The following FUCA2 variants were observed in gnomAD, a reference collection of about 807,000 sequenced individuals.
FUCA2 encodes alpha-L-fucosidase 2.
FUCA2 carries 41 observed loss-of-function variants against 52.6 expected under a neutral mutation model. The observed-to-expected ratio is 0.78, with a 90% CI of 0.61 to 1.01. The LOEUF is 1.01. Among genes scored for constraint, FUCA2 ranks in the 50% least tolerant of loss-of-function variants. The probability of loss-of-function intolerance (pLI) is 0.00; values close to 1 mark genes in which losing one functional copy is unlikely to be tolerated. For synonymous variants in FUCA2, 211 were observed against 217.3 expected (o/e 0.97, Z 0.26); for missense variants, 507 against 569.5 (o/e 0.89, Z 1.12).
In FUCA2 at chr6:143,505,915, T is replaced by C. The variant is rs916305533; in HGVS notation, c.412+1322A>G. 3.9e-5 allele frequency: 6 copies of C among 152,282 alleles called. No individual in the cohort carries two copies. In the Middle Eastern group the frequency reaches 0.01, roughly 259 times the overall value. The allele number at this position is 152,282 out of a possible 1,614,324, so 9.4% of individuals were successfully genotyped here. On this transcript the variant is annotated intron_variant, in intron 2 of 6. Transcript: ENST00000002165. ...GGGCTACATCATCTCTCCTCACAGT[T>C]TGATTAACAATTTTTATTAAATAAA...
chr6:143,498,321 T>A (rs952630677), intron 5 of FUCA2, among the ~76,000 whole-genome samples: 16 of 152,206 alleles, frequency 1.1e-4, no homozygotes, highest in African/African-American at 3.6e-4. Flanking sequence ...TGGAAGAAAT[T>A]AGAATCAACA....
rs1780445323 is a variant in FUCA2, at chr6:143,495,526, GT to G, written c.*180del. On this transcript the variant is annotated 3_prime_UTR_variant, in exon 7 of 7. Coordinates refer to ENST00000002165, the MANE Select transcript of FUCA2 (RefSeq NM_032020.5). The surrounding 1 kb of genome is among the most constrained non-coding windows in gnomAD (Gnocchi z 5.2). ...CTTTAATGGCAAAGTGCACTGGAGA[GT>G]TAAAATGGTTACATGGGTAATTTAA... The G allele has an allele frequency of 5.5e-6, 3 of 544,824 alleles. 1 individual carries two copies. In the South Asian group the frequency reaches 1.1e-4, roughly 20 times the overall value. 33.7% of individuals were successfully genotyped at this position (544,824 alleles called of 1,614,324 possible).
rs116759435 is a variant in FUCA2 at position 143,503,451 on chromosome 6, G to A, written c.752+462C>T. 442 of 157,348 alleles carry A rather than the reference G, an allele frequency of 2.8e-3. 2 individuals carry two copies. The highest frequency in any genetic ancestry group is 0.01 in the African/African-American group (422 of 41,606). 9.7% of individuals were successfully genotyped at this position (157,348 alleles called of 1,614,324 possible). On this transcript the variant is annotated intron_variant, in intron 3 of 6. Coordinates refer to ENST00000002165, the MANE Select transcript of FUCA2 (RefSeq NM_032020.5). This position sits in a 1 kb window ranked among gnomAD's most constrained non-coding sequence, Gnocchi z 4.8. ...AAAAACTGGAGAAAGTGAAAAGGCT[G>A]CGATGAAGGAAAAGAGGAGACAAAC...
At position 143,503,640 on chromosome 6, in the gene FUCA2, C is replaced by T. The variant is rs182099986; in HGVS notation, c.752+273G>A. The T allele has an allele frequency of 1.7e-4, 56 of 334,964 alleles. No individual in the cohort carries two copies. Among genetic ancestry groups the T allele is most frequent in the African/African-American group, 1.2e-3 (55 of 46,562 alleles). The allele number at this position is 334,964 out of a possible 1,614,324, so 20.7% of individuals were successfully genotyped here. On this transcript the variant is annotated intron_variant, in intron 3 of 6. Coordinates refer to ENST00000002165, the MANE Select transcript of FUCA2 (RefSeq NM_032020.5). This position sits in a 1 kb window ranked among gnomAD's most constrained non-coding sequence, Gnocchi z 4.8. Reference sequence around the variant, plus strand: ...CAGGGTAGGAGAGAAAAAGGGGGGACCCACAAAATTAACACCTTCAAAGTT... The same window carrying T: ...CAGGGTAGGAGAGAAAAAGGGGGGATCCACAAAATTAACACCTTCAAAGTT...
rs767482755 is a variant in FUCA2, at chr6:143,497,523, C to A, written c.1155-26G>T. The A allele has an allele frequency of 7.8e-7, 1 of 1,289,268 alleles. No individual in the cohort carries two copies. The highest frequency in any genetic ancestry group is 1.2e-5 in the South Asian group (1 of 82,114). The allele number at this position is 1,289,268 out of a possible 1,614,324, so 79.9% of individuals were successfully genotyped here. On this transcript the variant is annotated intron_variant, in intron 5 of 6. Coordinates refer to ENST00000002165, the MANE Select transcript of FUCA2 (RefSeq NM_032020.5). The surrounding 1 kb of genome is among the most constrained non-coding windows in gnomAD (Gnocchi z 5.3). The stretch of plus-strand genomic sequence containing the variant: ...CTGGTTAAAAGAAAAAAATAAAGAG[C>A]ATAGTAGCAAGTTACATCCCATGTT...
In FUCA2 at chr6:143,510,240, T is replaced by C. The variant is rs1780663406; in HGVS notation, c.224+1171A>G. Among the ~76,000 whole-genome samples the C allele has an allele frequency of 6.6e-6, 1 of 152,208 alleles. No homozygotes were observed. The highest frequency in any genetic ancestry group is 1.5e-5 in the Non-Finnish European group (1 of 68,036). On this transcript the variant is annotated intron_variant, in intron 1 of 6. Transcript: ENST00000002165. The surrounding 1 kb of genome is among the most constrained non-coding windows in gnomAD (Gnocchi z 4.4). Reference sequence around the variant, plus strand: ...TATACTATGTAATGTTAATATAATATATAGTTCATACTCTGTATTGTGTCT... The same window carrying C: ...TATACTATGTAATGTTAATATAATACATAGTTCATACTCTGTATTGTGTCT...
In FUCA2 at chr6:143,497,337, T is replaced by A. The variant is rs2128421411; in HGVS notation, c.1263+52A>T. The A allele has an allele frequency of 1.7e-6, 2 of 1,148,204 alleles. No homozygotes were observed. The highest frequency in any genetic ancestry group is 2.5e-5 in the South Asian group (2 of 81,036). 71.1% of individuals were successfully genotyped at this position (1,148,204 alleles called of 1,614,324 possible). ...CTCCCCTTAAAAGTTAATGTTTGCA[T>A]CAAGATGTTCTAATCAGCAATTTAA... On this transcript the variant is annotated intron_variant, in intron 6 of 6. Transcript: ENST00000002165. The surrounding 1 kb of genome is among the most constrained non-coding windows in gnomAD (Gnocchi z 5.3).
At position 143,507,558 on chromosome 6, in the gene FUCA2, G is replaced by A; in HGVS notation, c.225-134C>T. 1 of 640,360 alleles carries A rather than the reference G, an allele frequency of 1.6e-6. No individual in the cohort carries two copies. The highest frequency in any genetic ancestry group is 2.5e-6 in the Non-Finnish European group (1 of 394,236). 39.7% of individuals were successfully genotyped at this position (640,360 alleles called of 1,614,324 possible). The stretch of plus-strand genomic sequence containing the variant: ...CTCTTTCTCACTTCCCCATTAGTTT[G>A]ACTTGGCTTTAAAGATAGCTTATGC... On this transcript the variant is annotated intron_variant, in intron 1 of 6. Coordinates refer to ENST00000002165, the MANE Select transcript of FUCA2 (RefSeq NM_032020.5). The surrounding 1 kb of genome is among the most constrained non-coding windows in gnomAD (Gnocchi z 4.5).
At position 143,502,517 on chromosome 6, in the gene FUCA2, G is replaced by A. The variant is rs1780543263; in HGVS notation, c.801C>T (p.Ser267=). 1 of 1,613,976 alleles carries A rather than the reference G, an allele frequency of 6.2e-7. No homozygotes were observed. Among genetic ancestry groups the A allele is most frequent in the Non-Finnish European group, 8.5e-7 (1 of 1,179,968 alleles). Residue 267 remains serine, a synonymous_variant, in exon 4 of 7, where the codon AGC becomes AGT. Coordinates refer to ENST00000002165, the MANE Select transcript of FUCA2 (RefSeq NM_032020.5). This position sits in a 1 kb window ranked among gnomAD's most constrained non-coding sequence, Gnocchi z 4.1. ...TATAGAAGCCACCATGCTTACAGAT[G>A]CTACCAGCTCCCCAACGATCATTGG... The part of the protein sequence containing the change: ...VVTNDRWGAG[S]ICKHGGFYTC...
rs2128422908 is a variant in FUCA2, at chr6:143,510,166, A to G, written c.224+1245T>C. The stretch of plus-strand genomic sequence containing the variant: ...TCTTGGACCCAGCAGAGACCCTAAC[A>G]GAATGGAGGTGTAATTTTTCTACCC... On this transcript the variant is annotated intron_variant, in intron 1 of 6. Coordinates refer to ENST00000002165, the MANE Select transcript of FUCA2 (RefSeq NM_032020.5). This position sits in a 1 kb window ranked among gnomAD's most constrained non-coding sequence, Gnocchi z 4.4. Among the ~76,000 whole-genome samples the G allele has an allele frequency of 6.6e-6, 1 of 152,258 alleles. No individual in the cohort carries two copies. Among genetic ancestry groups the G allele is most frequent in the Non-Finnish European group, 1.5e-5 (1 of 68,006 alleles).
rs1454459606 is a variant in FUCA2 at position 143,504,375 on chromosome 6, T to C, written c.413-123A>G. The C allele has an allele frequency of 1.2e-6, 1 of 810,680 alleles. No homozygotes were observed. The highest frequency in any genetic ancestry group is 1.9e-6 in the Non-Finnish European group (1 of 519,094). The allele number at this position is 810,680 out of a possible 1,614,324, so 50.2% of individuals were successfully genotyped here. ...ATATATAAATACCTGCTCCTACAAA[T>C]GACTGTTTTATGGCCATTTTTTCAT... On this transcript the variant is annotated intron_variant, in intron 2 of 6. Transcript: ENST00000002165. This position sits in a 1 kb window ranked among gnomAD's most constrained non-coding sequence, Gnocchi z 4.4.
Position 143,511,658 on chromosome 6 carries a change from T to G in FUCA2, c.-24A>C, listed in dbSNP as rs1451935054. 4.8e-6 allele frequency: 7 copies of G among 1,471,600 alleles called. No individual in the cohort carries two copies. The South Asian group carries it at 8.3e-5, about 17-fold the overall frequency. 91.2% of individuals were successfully genotyped at this position (1,471,600 alleles called of 1,614,324 possible). On this transcript the variant is annotated 5_prime_UTR_variant, in exon 1 of 7. Transcript: ENST00000002165. The surrounding 1 kb of genome is among the most constrained non-coding windows in gnomAD (Gnocchi z 6.3). Reference sequence around the variant, plus strand: ...ATGTCCCGGCGCAGGCCGGCTGTCCTCTCTGCAGGCTCCCGCGGCCTCGGG... The same window carrying G: ...ATGTCCCGGCGCAGGCCGGCTGTCCGCTCTGCAGGCTCCCGCGGCCTCGGG...
intron 2 of FUCA2, chr6:143,506,654 G>A (rs976606054): frequency 1.3e-5 from 2 of 152,226 alleles, no homozygotes; most frequent in Non-Finnish European, 2.9e-5. Context: ...GATTTTAAAT[G>A]TGTGGGGGTT....
In FUCA2 at chr6:143,499,464, G is replaced by A. The variant is rs1332773915; in HGVS notation, c.1155-1967C>T. ...CCAGCTACTCAGGAGGCTGAGGCAGGAGAATCACTTGAACCTGGGAGGTGG... is the reference window on the plus strand; with the variant it reads ...CCAGCTACTCAGGAGGCTGAGGCAGAAGAATCACTTGAACCTGGGAGGTGG... On this transcript the variant is annotated intron_variant, in intron 5 of 6. Coordinates refer to ENST00000002165, the MANE Select transcript of FUCA2 (RefSeq NM_032020.5). This position sits in a 1 kb window ranked among gnomAD's most constrained non-coding sequence, Gnocchi z 6.0. Among the ~76,000 whole-genome samples, 1 of 152,182 alleles carries A rather than the reference G, an allele frequency of 6.6e-6. No individual in the cohort carries two copies. Among genetic ancestry groups the A allele is most frequent in the Non-Finnish European group, 1.5e-5 (1 of 68,036 alleles).
In FUCA2 at chr6:143,507,507, C is replaced by A. The variant is rs1468088247; in HGVS notation, c.225-83G>T. ...CTGCTCCAGCTCCCCTTACCATTTA[C>A]CCCTCACACAGATAGGACCCAGATT... On this transcript the variant is annotated intron_variant, in intron 1 of 6. Coordinates refer to ENST00000002165, the MANE Select transcript of FUCA2 (RefSeq NM_032020.5). This position sits in a 1 kb window ranked among gnomAD's most constrained non-coding sequence, Gnocchi z 4.5. 6.3e-5 allele frequency: 61 copies of A among 972,968 alleles called. No individual in the cohort carries two copies. The highest frequency in any genetic ancestry group is 8.8e-5 in the Non-Finnish European group (59 of 670,408). 60.3% of individuals were successfully genotyped at this position (972,968 alleles called of 1,614,324 possible). A position where few individuals can be genotyped will look rare whatever the true frequency, so the allele number is the denominator to read the frequency against.
In FUCA2 at chr6:143,495,462, C is replaced by A; in HGVS notation, c.*245G>T. 1 of 396,572 alleles carries A rather than the reference C, an allele frequency of 2.5e-6. No homozygotes were observed. Among genetic ancestry groups the A allele is most frequent in the South Asian group, 8.4e-5 (1 of 11,844 alleles). The allele number at this position is 396,572 out of a possible 1,614,324, so 24.6% of individuals were successfully genotyped here. On this transcript the variant is annotated 3_prime_UTR_variant, in exon 7 of 7. Transcript: ENST00000002165. This position sits in a 1 kb window ranked among gnomAD's most constrained non-coding sequence, Gnocchi z 5.2. ...CTACTATAATGTGAAAAAATTCTCACCTCTGAGTCACACATGGAAACAAAT... is the reference window on the plus strand; with the variant it reads ...CTACTATAATGTGAAAAAATTCTCAACTCTGAGTCACACATGGAAACAAAT...
rs771159288 is a variant in FUCA2 at position 143,503,872 on chromosome 6, G to C, written c.752+41C>G. ...AATTAAAATGTTAGAAATATATTAG[G>C]AATATGGAGGGTAACTGCAGCAATC... is the stretch of plus-strand genomic sequence containing the variant. On this transcript the variant is annotated intron_variant, in intron 3 of 6. Coordinates refer to ENST00000002165, the MANE Select transcript of FUCA2 (RefSeq NM_032020.5). The surrounding 1 kb of genome is among the most constrained non-coding windows in gnomAD (Gnocchi z 4.8). 6 of 1,416,158 alleles carry C rather than the reference G, an allele frequency of 4.2e-6. No homozygotes were observed. The East Asian group carries it at 1.1e-4, about 27-fold the overall frequency. The allele number at this position is 1,416,158 out of a possible 1,614,324, so 87.7% of individuals were successfully genotyped here.
In FUCA2 at chr6:143,499,620, C is replaced by A. The variant is rs183431916; in HGVS notation, c.1155-2123G>T. Among the ~76,000 whole-genome samples, 16 of 152,244 alleles carry A rather than the reference C, an allele frequency of 1.1e-4. No individual in the cohort carries two copies. Among genetic ancestry groups the A allele is most frequent in the Admixed American group, 7.2e-4 (11 of 15,292 alleles). On this transcript the variant is annotated intron_variant, in intron 5 of 6. Transcript: ENST00000002165. The surrounding 1 kb of genome is among the most constrained non-coding windows in gnomAD (Gnocchi z 6.0). ...AAATGAGATGAAATCAGCAAAGGAA[C>A]TAACTAAGAAGGAAGAGCCAAAAGG... is the stretch of plus-strand genomic sequence containing the variant.
rs749354124 is a variant in FUCA2, at chr6:143,507,255, T to A, written c.394A>T (p.Thr132Ser). Reference sequence around the variant, plus strand: ...GACTTACCTTCATGATGTTTGGAAGTTAAGACAATGTATTTGGCACCAGAG... The same window carrying A: ...GACTTACCTTCATGATGTTTGGAAGATAAGACAATGTATTTGGCACCAGAG... ...QASGAKYIVL[T>S]SKHHEGFTLW... The change falls in exon 2 of 7, where the codon ACT becomes TCT. Residue 132 changes from threonine (T) to serine (S), a missense_variant. Transcript: ENST00000002165. This position sits in a 1 kb window ranked among gnomAD's most constrained non-coding sequence, Gnocchi z 4.5. 6.3e-7 allele frequency: 1 copy of A among 1,597,134 alleles called. No homozygotes were observed.
Sources: allele counts gnomAD v4.1 joint callset (sites outside exome capture counted in the v4.1 genomes callset), GRCh38; gene constraint gnomAD v4.1.1; non-coding constraint Gnocchi (gnomAD v3.1); transcripts MANE v1.5; gene names NCBI Gene and HGNC (gene_info 2026-07-23, HGNC 2026-07-21).